The following TMEM232 variants were observed in gnomAD, a reference collection of about 807,000 sequenced individuals.
The protein encoded by TMEM232 is transmembrane protein 232.
A neutral mutation model predicts 78.8 loss-of-function variants in TMEM232; 80 were observed. The ratio of observed to expected loss-of-function variants is 1.01; its 90% CI spans 0.85 to 1.22. The LOEUF is 1.22. TMEM232 is among the 50% of genes most tolerant of loss of function. The pLI is 0.00. For missense variants in TMEM232, 881 were observed against 742.2 expected, an observed-to-expected ratio of 1.19 and a Z score of -2.17; for synonymous variants, 297 against 254.3, an observed-to-expected ratio of 1.17 and a Z score of -1.60.
chr5:110,614,566 T>C (rs945829666), intron 8 of TMEM232, among the ~76,000 whole-genome samples: 3 of 152,124 alleles, frequency 2.0e-5, no homozygotes, highest in Non-Finnish European at 4.4e-5. Flanking sequence ...AAAGAAAGAA[T>C]TGAATTCCAC....
intron 1 of TMEM232, among the ~76,000 whole-genome samples, chr5:110,705,725 C>T (rs55904005): frequency 1.1e-4 from 4 of 34,918 alleles, no homozygotes; most frequent in African/African-American, 3.1e-4. Flanking sequence ...TATATATATA[C>T]ACACACACAC....
intron 2 of TMEM232, among the ~76,000 whole-genome samples, chr5:110,660,433 C>A (rs533483200): frequency 2.6e-5 from 4 of 151,832 alleles, no homozygotes; most frequent in South Asian, 2.1e-4. Context: ...AAGGAAAATT[C>A]AAAAAATCTT....
At chr5:110,588,556 G>C (rs1192273920) in intron 10 of TMEM232, among the ~76,000 whole-genome samples, 1 of 152,062 alleles carries the variant, frequency 6.6e-6, no homozygotes, top group African/African-American at 2.4e-5. Context: ...GGTGGTGAGG[G>C]AAACCAATGC....
At chr5:110,412,962 C>T (rs551875632) in intron 2 of TMEM232, among the ~76,000 whole-genome samples, 11 of 152,242 alleles carry the variant, frequency 7.2e-5, no homozygotes, top group African/African-American at 2.4e-4. Flanking sequence ...GCAATAATTT[C>T]TACTACTCTT....
intron 10 of TMEM232, among the ~76,000 whole-genome samples, chr5:110,596,938 C>T (rs549447708): frequency 1.1e-4 from 17 of 152,196 alleles, no homozygotes; most frequent in Non-Finnish European, 1.6e-4. Flanking sequence ...GGAAGCATTC[C>T]CTTTGAAAAC....
chr5:110,500,959 A>AACTGGT (rs1766202987), intron 12 of TMEM232, among the ~76,000 whole-genome samples: 1 of 152,178 alleles, frequency 6.6e-6, no homozygotes. Context: ...TACCTTTATG[A>AACTGGT]ACTGGTCAAA....
intron 12 of TMEM232, among the ~76,000 whole-genome samples, chr5:110,445,284 CTAAT>C (rs1303826983): frequency 1.3e-5 from 2 of 151,834 alleles, no homozygotes; most frequent in African/African-American, 2.4e-5. Flanking sequence ...TTGTTGAGCT[CTAAT>C]TAACACATAA....
intron 4 of TMEM232, among the ~76,000 whole-genome samples, chr5:110,639,163 T>G (rs1209197598): frequency 6.6e-6 from 1 of 152,080 alleles, no homozygotes; most frequent in African/African-American, 2.4e-5. Flanking sequence ...AGCCAGCACA[T>G]GCAGAGCCTT....
intron 2 of TMEM232, among the ~76,000 whole-genome samples, chr5:110,733,759 A>C (rs1798907703): frequency 6.6e-6 from 1 of 152,186 alleles, no homozygotes; most frequent in South Asian, 2.1e-4. Flanking sequence ...GGGTGATGAA[A>C]TAACCTGTAC....
Position 110,618,492 on chromosome 5 carries a change from G to A in TMEM232, c.839C>T (p.Pro280Leu), listed in dbSNP as rs1162827683. 6.4e-7 allele frequency: 1 copy of A among 1,551,624 alleles called. No homozygotes were observed. Among genetic ancestry groups the A allele is most frequent in the Non-Finnish European group, 8.7e-7 (1 of 1,146,868 alleles). The change falls in exon 8 of 14, where the codon CCT becomes CTT. Residue 280 changes from proline (P) to leucine (L), a missense_variant. Coordinates refer to ENST00000455884, the MANE Select transcript of TMEM232 (RefSeq NM_001039763.4). ...AAWSCVQNNS[P>L]QLNNVLEHLV... is the part of the protein sequence containing the mutation. ...ATGTTCAAGCACGTTATTCAACTGA[G>A]GACTGTTATTCTGAACACAAGACCA...
intron 12 of TMEM232, among the ~76,000 whole-genome samples, chr5:110,462,159 C>A (rs913993165): frequency 1.3e-5 from 2 of 152,170 alleles, no homozygotes; most frequent in African/African-American, 2.4e-5. Context: ...ATTCACCATT[C>A]TTGATGTCAT....
rs115808840 is a variant in TMEM232, at chr5:110,667,491, T to C, written c.-12-127A>G. 6.1e-4 allele frequency: 406 copies of C among 663,404 alleles called. 1 individual carries two copies. In the African/African-American group the frequency reaches 7.2e-3, roughly 12 times the overall value. The allele number at this position is 663,404 out of a possible 1,614,324, so 41.1% of individuals were successfully genotyped here. ...AAAGTTAGGCTTAAGAATAATTCTA[T>C]ATTAAGGAAGAATTTAAATAAATAA... On this transcript the variant is annotated intron_variant, in intron 1 of 13. Coordinates refer to ENST00000455884, the MANE Select transcript of TMEM232 (RefSeq NM_001039763.4).
chr5:110,481,458 A>G (rs1763853699), intron 12 of TMEM232, among the ~76,000 whole-genome samples: 1 of 152,106 alleles, frequency 6.6e-6, no homozygotes, highest in Admixed American at 6.6e-5. Context: ...TTATGACAAT[A>G]GAAAAAAATG....
At chr5:110,575,607 C>A (rs1237744368) in intron 10 of TMEM232, among the ~76,000 whole-genome samples, 2 of 151,924 alleles carry the variant, frequency 1.3e-5, no homozygotes, top group East Asian at 3.9e-4. Context: ...TTCAAATGAA[C>A]CATTCAGGTA....
chr5:110,650,624 C>T (rs183315059), intron 2 of TMEM232, among the ~76,000 whole-genome samples: 1 of 152,096 alleles, frequency 6.6e-6, no homozygotes. Flanking sequence ...AACAGGAGAA[C>T]ATTCTACAAA....
intron 11 of TMEM232, among the ~76,000 whole-genome samples, chr5:110,554,323 C>T (rs915210541): frequency 6.6e-6 from 1 of 152,088 alleles, no homozygotes; most frequent in African/African-American, 2.4e-5. Flanking sequence ...ATGCTTTCTG[C>T]CCCCGACCCC....
chr5:110,391,326 T>TGTGTGTGTGTGA lies in TMEM232; in HGVS notation n.391-687_391-686insTCACACACACAC, dbSNP rs549361387. Among the ~76,000 whole-genome samples the TGTGTGTGTGTGA allele has an allele frequency of 2.5e-3, 348 of 139,898 alleles. 4 individuals are homozygous for TGTGTGTGTGTGA. Among genetic ancestry groups the TGTGTGTGTGTGA allele is most frequent in the African/African-American group, 9.6e-3 (328 of 34,008 alleles). The allele number at this position is 139,898 out of a possible 152,430, so 91.8% of individuals were successfully genotyped here. ...GTGTGTGTGTGTGTGTGTGTGTGTG[T>TGTGTGTGTGTGA]GAGAGAGAGAGAGAGAGAGAGAAAC... is the stretch of plus-strand genomic sequence containing the variant. On this transcript the variant is annotated intron_variant and non_coding_transcript_variant, in intron 3 of 8. Coordinates refer to the TMEM232 transcript ENST00000507188.
At chr5:110,583,739 G>A (rs934363118) in intron 10 of TMEM232, among the ~76,000 whole-genome samples, 7 of 151,640 alleles carry the variant, frequency 4.6e-5, no homozygotes, top group African/African-American at 1.7e-4. Flanking sequence ...ACATCTATAT[G>A]TTGAAACATT....
intron 12 of TMEM232, among the ~76,000 whole-genome samples, chr5:110,476,611 T>C (rs988678603): frequency 3.9e-5 from 6 of 152,062 alleles, no homozygotes; most frequent in Non-Finnish European, 1.5e-5. Flanking sequence ...AATGTTATTG[T>C]AATGATTCTA....
Sources: gnomAD v4.1 joint callset for allele counts (sites outside exome capture counted in the v4.1 genomes callset) on GRCh38, gnomAD v4.1.1 for gene constraint, MANE v1.5 for transcripts, NCBI Gene and HGNC (gene_info 2026-07-23, HGNC 2026-07-21) for gene names.